The following TMTC2 variants were observed in gnomAD, a reference collection of about 807,000 sequenced individuals.
The protein encoded by TMTC2 is protein O-mannosyl-transferase TMTC2.
In TMTC2, 43 loss-of-function variants were observed where a neutral mutation model predicts 82.4. The ratio of observed to expected loss-of-function variants is 0.52; its 90% CI spans 0.41 to 0.67. TMTC2 has a LOEUF of 0.67. Ranked by LOEUF, TMTC2 falls within the 30% of genes least tolerant of loss-of-function variation. The pLI is 0.00. For synonymous variants in TMTC2, 408 were observed against 381.9 expected (o/e 1.07, Z -0.80); for missense variants, 919 against 1,012.4 (o/e 0.91, Z 1.25).
intron 9 of TMTC2, among the ~76,000 whole-genome samples, chr12:83,036,656 C>A (rs376999289): frequency 1.3e-5 from 2 of 152,002 alleles, no homozygotes; most frequent in East Asian, 3.9e-4. Flanking sequence ...CTTTTAAATC[C>A]GGAACTTTCT....
At chr12:82,874,981 A>G (rs1872405535) in intron 2 of TMTC2, among the ~76,000 whole-genome samples, 1 of 152,136 alleles carries the variant, frequency 6.6e-6, no homozygotes, top group Non-Finnish European at 1.5e-5. Flanking sequence ...TTGATCCTCA[A>G]TCTCAGGGGT....
intron 1 of TMTC2, among the ~76,000 whole-genome samples, chr12:82,783,073 A>G (rs960154400): frequency 6.6e-6 from 1 of 152,112 alleles, no homozygotes; most frequent in Non-Finnish European, 1.5e-5. Context: ...AAATGCTTCA[A>G]TTAAGGGCAA....
chr12:82,925,979 G>GTT (rs374054535), intron 3 of TMTC2, among the ~76,000 whole-genome samples: 17 of 118,874 alleles, frequency 1.4e-4, no homozygotes, highest in African/African-American at 1.9e-4. Context: ...GGAGAAAATT[G>GTT]TTTTTTTTTT....
intron 1 of TMTC2, among the ~76,000 whole-genome samples, chr12:82,846,233 G>A (rs185619266): frequency 3.4e-4 from 51 of 151,968 alleles, no homozygotes; most frequent in African/African-American, 1.1e-3. Flanking sequence ...TGGCGCACAC[G>A]TATAGTCCCA....
intron 1 of TMTC2, chr12:82,690,550 A>G (rs2136881859): frequency 3.5e-6 from 1 of 283,760 alleles, no homozygotes; most frequent in Admixed American, 6.5e-5. Context: ...ACTTTCTTAT[A>G]GCACAATCAA....
At chr12:82,766,175 C>T (rs1446413837) in intron 1 of TMTC2, among the ~76,000 whole-genome samples, 1 of 152,196 alleles carries the variant, frequency 6.6e-6, no homozygotes. Flanking sequence ...TACCTATGTT[C>T]AATATCACCT....
Position 82,687,469 on chromosome 12 carries a change from G to T in TMTC2, c.-118G>T. The T allele has an allele frequency of 2.1e-6, 2 of 959,364 alleles. No homozygotes were observed. The highest frequency in any genetic ancestry group is 3.2e-6 in the Non-Finnish European group (2 of 632,578). The allele number at this position is 959,364 out of a possible 1,614,324, so 59.4% of individuals were successfully genotyped here. A position where few individuals can be genotyped will look rare whatever the true frequency, so the allele number is the denominator to read the frequency against. ...CCCGAGGGAGGGAGGGTGGGGAAGCGAGGGAAAAGTGAAGCTGGGAGGAGA... is the reference window on the plus strand; with the variant it reads ...CCCGAGGGAGGGAGGGTGGGGAAGCTAGGGAAAAGTGAAGCTGGGAGGAGA... On this transcript the variant is annotated 5_prime_UTR_variant, in exon 1 of 12. Transcript: ENST00000321196.
At chr12:82,913,063 A>G (rs567829234) in intron 3 of TMTC2, among the ~76,000 whole-genome samples, 2 of 152,230 alleles carry the variant, frequency 1.3e-5, no homozygotes, top group South Asian at 2.1e-4. Context: ...CGATTACTGT[A>G]CAAACCCATG....
intron 11 of TMTC2, among the ~76,000 whole-genome samples, chr12:83,080,138 A>G (rs528581138): frequency 6.6e-6 from 1 of 152,182 alleles, no homozygotes; most frequent in Non-Finnish European, 1.5e-5. Flanking sequence ...GTGAACTTTA[A>G]TGAAGAACAG....
intron 1 of TMTC2, among the ~76,000 whole-genome samples, chr12:82,797,230 A>G (rs1290383929): frequency 6.6e-6 from 1 of 152,196 alleles, no homozygotes; most frequent in Non-Finnish European, 1.5e-5. Flanking sequence ...AAATGATTTG[A>G]AATATTTCCC....
chr12:82,735,470 C>T (rs990735507), intron 1 of TMTC2, among the ~76,000 whole-genome samples: 4 of 151,792 alleles, frequency 2.6e-5, no homozygotes, highest in Non-Finnish European at 5.9e-5. Flanking sequence ...CTCAGCCTCC[C>T]AAGTAGCTGG....
Position 82,797,992 on chromosome 12 carries a change from C to T in TMTC2, c.84-59018C>T, listed in dbSNP as rs1303587817. Among the ~76,000 whole-genome samples, 3 of 141,868 alleles carry T rather than the reference C, an allele frequency of 2.1e-5. No individual in the cohort carries two copies. In the East Asian group the frequency reaches 6.3e-4, roughly 30 times the overall value. The allele number at this position is 141,868 out of a possible 152,430, so 93.1% of individuals were successfully genotyped here. A position where few individuals can be genotyped will look rare whatever the true frequency, so the allele number is the denominator to read the frequency against. On this transcript the variant is annotated intron_variant, in intron 1 of 11. Transcript: ENST00000321196. ...CCTCTCTGTCACCCAGGGTGGAGTG[C>T]AGTGGCGCGATCTCGGCTCACTGCA...
intron 8 of TMTC2, among the ~76,000 whole-genome samples, chr12:83,027,924 G>A (rs1224307825): frequency 2.0e-5 from 3 of 152,128 alleles, no homozygotes; most frequent in African/African-American, 7.2e-5. Flanking sequence ...AAAAGAGCCA[G>A]TTCCTTCTTT....
At position 83,132,616 on chromosome 12, in the gene TMTC2, T is replaced by C. The variant is rs959468959; in HGVS notation, c.*227T>C. On this transcript the variant is annotated 3_prime_UTR_variant, in exon 12 of 12. Transcript: ENST00000321196. ...TCCTGGAGGATGTCATTGTTACCCA[T>C]AGACTGTAAACCAGAGCACTTAAAA... The C allele has an allele frequency of 1.9e-5, 10 of 518,030 alleles. No homozygotes were observed. The highest frequency in any genetic ancestry group is 1.6e-4 in the Admixed American group (4 of 25,140). 32.1% of individuals were successfully genotyped at this position (518,030 alleles called of 1,614,324 possible).
rs557025164 is a variant in TMTC2 at position 83,022,016 on chromosome 12, C to G, written c.2071-8782C>G. 5 of 152,046 alleles carry G rather than the reference C, an allele frequency of 3.3e-5. No individual in the cohort carries two copies. In the East Asian group the frequency reaches 7.8e-4, roughly 24 times the overall value. The allele number at this position is 152,046 out of a possible 1,614,324, so 9.4% of individuals were successfully genotyped here. A position where few individuals can be genotyped will look rare whatever the true frequency, so the allele number is the denominator to read the frequency against. On this transcript the variant is annotated intron_variant, in intron 8 of 11. Coordinates refer to ENST00000321196, the MANE Select transcript of TMTC2 (RefSeq NM_152588.3). ...GCACAGTTCCCAGAGGCTGTTCAACCCTTTCTTGGTTAACACCTAAGAAAA... is the reference window on the plus strand; with the variant it reads ...GCACAGTTCCCAGAGGCTGTTCAACGCTTTCTTGGTTAACACCTAAGAAAA...
chr12:82,811,258 T>C lies in TMTC2; in HGVS notation c.84-45752T>C, dbSNP rs1868373694. Among the ~76,000 whole-genome samples, 3 of 151,976 alleles carry C rather than the reference T, an allele frequency of 2.0e-5. 1 individual carries two copies. The highest frequency in any genetic ancestry group is 3.9e-4 in the East Asian group (2 of 5,184). Reference sequence around the variant, plus strand: ...TAAATAAAATAAAATCTCCTTCTTTTATAAATTACCCAGTCTTGGGCAGTT... The same window carrying C: ...TAAATAAAATAAAATCTCCTTCTTTCATAAATTACCCAGTCTTGGGCAGTT... On this transcript the variant is annotated intron_variant, in intron 1 of 11. Transcript: ENST00000321196.
intron 1 of TMTC2, among the ~76,000 whole-genome samples, chr12:82,701,779 A>T (rs943594310): frequency 2.0e-4 from 30 of 151,758 alleles, no homozygotes; most frequent in African/African-American, 7.3e-4. Flanking sequence ...AAAAAGAAAA[A>T]AAGAATATTA....
intron 4 of TMTC2, among the ~76,000 whole-genome samples, chr12:82,933,769 G>A (rs1876168546): frequency 6.6e-6 from 1 of 152,140 alleles, no homozygotes; most frequent in African/African-American, 2.4e-5. Context: ...CATCTAAGTA[G>A]CACATAGGAA....
chr12:83,024,471 T>G (rs1431619932), intron 8 of TMTC2, among the ~76,000 whole-genome samples: 1 of 152,206 alleles, frequency 6.6e-6, no homozygotes, highest in Non-Finnish European at 1.5e-5. Context: ...AAAATGTGAT[T>G]TGCATTGGTT....
Sources: allele counts gnomAD v4.1 joint callset (sites outside exome capture counted in the v4.1 genomes callset), GRCh38; gene constraint gnomAD v4.1.1; transcripts MANE v1.5; gene names NCBI Gene and HGNC (gene_info 2026-07-23, HGNC 2026-07-21).